The following OR2C1 variants were observed in gnomAD, a reference collection of about 807,000 sequenced individuals.
The protein encoded by OR2C1 is olfactory receptor 2C1.
For synonymous variants in OR2C1, 209 were observed against 167.3 expected (o/e 1.25, Z -1.92); for missense variants, 468 against 388.3 (o/e 1.21, Z -1.73).
chr16:3,353,211 G>T (rs1182116969), upstream of OR2C1, among the ~76,000 whole-genome samples: 1 of 151,884 alleles, frequency 6.6e-6, no homozygotes, highest in Non-Finnish European at 1.5e-5. Flanking sequence ...GAATAAGTAG[G>T]CCGGTCGCGG....
the OR2C1 span, among the ~76,000 whole-genome samples, chr16:3,334,163 G>C: frequency 6.7e-6 from 1 of 149,552 alleles, no homozygotes; most frequent in Non-Finnish European, 1.5e-5. Context: ...TTTTCAGATG[G>C]AGTATCACTC....
At position 3,355,973 on chromosome 16, in the gene OR2C1, C is replaced by CAAG. The variant is rs775666231; in HGVS notation, c.33_34insAAG (p.Gly11_Phe12insLys). The CAAG allele has an allele frequency of 1.9e-6, 3 of 1,613,152 alleles. No homozygotes were observed. The East Asian group carries it at 6.7e-5, about 36-fold the overall frequency. On this transcript the variant is annotated inframe_insertion, in exon 1 of 1. Transcript: ENST00000304936. Reference sequence around the variant, plus strand: ...GGGTGAATGATAGCTCCTTGCAGGGCTTTGTTCTGATGGGCATATCAGACC... The same window carrying CAAG: ...GGGTGAATGATAGCTCCTTGCAGGGCAAGTTTGTTCTGATGGGCATATCAGACC...
chr16:3,329,381 T>C, the OR2C1 span, among the ~76,000 whole-genome samples: 4 of 151,850 alleles, frequency 2.6e-5, no homozygotes, highest in Admixed American at 2.6e-4. Flanking sequence ...GAAAAGAGTT[T>C]ATAGGATAGA....
In OR2C1 at chr16:3,357,058, T is replaced by A; in HGVS notation, c.*179T>A. 1 of 598,094 alleles carries A rather than the reference T, an allele frequency of 1.7e-6. No homozygotes were observed. Among genetic ancestry groups the A allele is most frequent in the African/African-American group, 1.9e-5 (1 of 53,768 alleles). 37.0% of individuals were successfully genotyped at this position (598,094 alleles called of 1,614,324 possible). ...ATGGTTAGTGTTATTCGTAATGTTC[T>A]ACACTTATTTACCAAAAATCCTACT... is the stretch of plus-strand genomic sequence containing the variant. On this transcript the variant is annotated 3_prime_UTR_variant, in exon 1 of 1. Coordinates refer to ENST00000304936, the MANE Select transcript of OR2C1 (RefSeq NM_012368.3).
chr16:3,344,359 C>G, the OR2C1 span, among the ~76,000 whole-genome samples: 1 of 152,098 alleles, frequency 6.6e-6, no homozygotes, highest in East Asian at 1.9e-4. Flanking sequence ...TTTACAATGT[C>G]CAACCTCATT....
the OR2C1 span, among the ~76,000 whole-genome samples, chr16:3,346,639 T>C: frequency 6.6e-6 from 1 of 150,448 alleles, no homozygotes. Flanking sequence ...TTTTTTTTTT[T>C]TTGAGATGGA....
At chr16:3,343,158 G>A in the OR2C1 span, among the ~76,000 whole-genome samples, 1 of 151,674 alleles carries the variant, frequency 6.6e-6, no homozygotes, top group South Asian at 2.1e-4. Context: ...TCTTGCTGTA[G>A]TGGCAGATAC....
At chr16:3,355,763 C>T, upstream of OR2C1, 1 of 594,144 alleles carries the variant, frequency 1.7e-6, no homozygotes, top group Non-Finnish European at 3.0e-6. Flanking sequence ...ACCTGGGTGA[C>T]AGTGAGAGAC....
chr16:3,335,291 T>A, the OR2C1 span, among the ~76,000 whole-genome samples: 1 of 152,226 alleles, frequency 6.6e-6, no homozygotes, highest in Admixed American at 6.5e-5. Context: ...TTAACAATTT[T>A]AAATCTTCCA....
the OR2C1 span, among the ~76,000 whole-genome samples, chr16:3,343,335 A>G: frequency 1.1e-4 from 16 of 152,296 alleles, no homozygotes; most frequent in South Asian, 3.1e-3. Flanking sequence ...CCTGGGCTCA[A>G]GCGATCCTTT....
At chr16:3,337,154 C>CTT in the OR2C1 span, among the ~76,000 whole-genome samples, 37 of 147,870 alleles carry the variant, frequency 2.5e-4, no homozygotes, top group East Asian at 8.2e-4. Context: ...TGTGTCCGGC[C>CTT]TTTTTTTTTC....
the OR2C1 span, among the ~76,000 whole-genome samples, chr16:3,344,950 T>C: frequency 7.7e-6 from 1 of 129,226 alleles, no homozygotes; most frequent in Non-Finnish European, 1.6e-5. Context: ...TATGTGTGTA[T>C]ATATATATGT....
At position 3,356,608 on chromosome 16, in the gene OR2C1, A is replaced by C. The variant is rs760886954; in HGVS notation, c.668A>C (p.Gln223Pro). Residue 223 changes from glutamine (Q) to proline (P), a missense_variant, in exon 1 of 1, where the codon CAG becomes CCG. Coordinates refer to ENST00000304936, the MANE Select transcript of OR2C1 (RefSeq NM_012368.3). ...GTGATCTCCTACTGCCTCATTGCTC[A>C]GGCAGTGCTGAAAATCCGCTCTGCA... ...IIVISYCLIA[Q>P]AVLKIRSAEG... 3.1e-6 allele frequency: 5 copies of C among 1,614,178 alleles called. No individual in the cohort carries two copies. Among genetic ancestry groups the C allele is most frequent in the Non-Finnish European group, 3.4e-6 (4 of 1,180,028 alleles).
the OR2C1 span, among the ~76,000 whole-genome samples, chr16:3,332,905 T>C: frequency 6.6e-6 from 1 of 152,246 alleles, no homozygotes; most frequent in African/African-American, 2.4e-5. Context: ...GTAGTGGAAT[T>C]GCTAGATCAC....
At chr16:3,351,536 C>T (rs2030574320), upstream of OR2C1, among the ~76,000 whole-genome samples, 1 of 152,158 alleles carries the variant, frequency 6.6e-6, no homozygotes, top group South Asian at 2.1e-4. Flanking sequence ...TCCTCCTAAG[C>T]AAGTCTCCCG....
At chr16:3,327,527 G>C in the OR2C1 span, among the ~76,000 whole-genome samples, 6,076 of 151,662 alleles carry the variant, frequency 0.04, 200 homozygotes, top group South Asian at 0.13. Flanking sequence ...AGACCCTCTT[G>C]ACCTCCTCCC....
chr16:3,355,359 G>A (rs1422690000), upstream of OR2C1, among the ~76,000 whole-genome samples: 1 of 147,678 alleles, frequency 6.8e-6, no homozygotes, highest in Admixed American at 7.1e-5. Flanking sequence ...TCGTGAGGCT[G>A]AGGCAGGAGA....
chr16:3,356,360 C>T lies in OR2C1; in HGVS notation c.420C>T (p.Leu140=), dbSNP rs771549027. The T allele has an allele frequency of 3.1e-6, 5 of 1,613,620 alleles. No individual in the cohort carries two copies. Among genetic ancestry groups the T allele is most frequent in the Admixed American group, 3.3e-5 (2 of 60,028 alleles). ...ACACCGCCATCATGAACCCCCAGCT[C>T]TGCTGGCTGCTGGCTGTGATTGCCT... The part of the protein sequence containing the change: ...LRYTAIMNPQ[L]CWLLAVIACL... Residue 140 remains leucine (L), a synonymous_variant, in exon 1 of 1, where the codon CTC becomes CTT. Transcript: ENST00000304936.
chr16:3,355,317 G>A (rs752921015), upstream of OR2C1, among the ~76,000 whole-genome samples: 1 of 151,724 alleles, frequency 6.6e-6, no homozygotes, highest in Admixed American at 6.6e-5. Flanking sequence ...AATTAGCCAG[G>A]CATGGTGGTG....
Sources: gnomAD v4.1 joint callset for allele counts (sites outside exome capture counted in the v4.1 genomes callset) on GRCh38, gnomAD v4.1.1 for gene constraint, MANE v1.5 for transcripts, NCBI Gene and HGNC (gene_info 2026-07-23, HGNC 2026-07-21) for gene names.